The following DNAH3 variants were observed in gnomAD, a reference collection of about 807,000 sequenced individuals.
The protein encoded by DNAH3 is dynein axonemal heavy chain 3.
DNAH3 carries 332 observed loss-of-function variants against 432.5 expected under a neutral mutation model. The observed-to-expected ratio is 0.77, with a 90% CI of 0.70 to 0.84. The LOEUF (loss-of-function observed/expected upper bound fraction) is 0.84, where lower values mean the gene tolerates loss of function less well. Among genes scored for constraint, DNAH3 ranks in the 40% least tolerant of loss-of-function variants. The probability of loss-of-function intolerance (pLI) is 0.00; values close to 1 mark genes in which losing one functional copy is unlikely to be tolerated. For missense variants in DNAH3, 4,861 were observed against 5,114.0 expected (o/e 0.95, Z 1.51); for synonymous variants, 1,956 against 1,900.2 (o/e 1.03, Z -0.76).
At chr16:21,103,356 G>GT (rs1555558916) in intron 16 of DNAH3, among the ~76,000 whole-genome samples, 6 of 148,630 alleles carry the variant, frequency 4.0e-5, no homozygotes, top group Non-Finnish European at 7.4e-5. Context: ...TGTGTGTGTG[G>GT]GGGGGGGCAG....
intron 19 of DNAH3, among the ~76,000 whole-genome samples, 191 bp from the exon 20 acceptor site, chr16:21,081,918 A>C (rs1311896159): frequency 6.6e-6 from 1 of 152,078 alleles, no homozygotes; most frequent in Non-Finnish European, 1.5e-5. Context: ...AAATTAAAAA[A>C]ATTTTTTGAG....
At chr16:21,058,051 G>A (rs62034925) in intron 27 of DNAH3, 35 bp downstream of exon 27, 25,989 of 1,179,988 alleles carry the variant, frequency 0.022, 353 homozygotes, top group Non-Finnish European at 0.026. Context: ...TTGATGCTTG[G>A]ATCTCTTCTG....
intron 25 of DNAH3, among the ~76,000 whole-genome samples, 172 bp from the exon 26 acceptor site, chr16:21,060,528 T>C (rs1336072823): frequency 0.016 from 857 of 55,138 alleles, 1 homozygote; most frequent in African/African-American, 0.044. Context: ...TTTTTTTTCT[T>C]TTTTTTTTTT....
In DNAH3 at chr16:21,042,171, G is replaced by A. The variant is rs2089472953; in HGVS notation, c.4494C>T (p.Ile1498=). The change falls in exon 32 of 62, where the codon ATC becomes ATT. Residue 1498 remains isoleucine, a synonymous_variant. Coordinates refer to ENST00000261383, the Ensembl canonical transcript of DNAH3. ...GAATGATGGCTTGTTGGATGCTGAGGATCTGCTGAGCGACCACAGACAGCA... is the reference window on the plus strand; with the variant it reads ...GAATGATGGCTTGTTGGATGCTGAGAATCTGCTGAGCGACCACAGACAGCA... 1.9e-6 allele frequency: 3 copies of A among 1,610,804 alleles called. No homozygotes were observed. The East Asian group carries it at 6.7e-5, about 36-fold the overall frequency.
chr16:21,096,582 G>C (rs1183486320), intron 18 of DNAH3, among the ~76,000 whole-genome samples: 1 of 152,014 alleles, frequency 6.6e-6, no homozygotes, highest in Admixed American at 6.6e-5. Flanking sequence ...ACACTCAATT[G>C]CTATTTAATA....
At chr16:20,936,038 G>A (rs1458205035) in intron 60 of DNAH3, among the ~76,000 whole-genome samples, 1 of 152,036 alleles carries the variant, frequency 6.6e-6, no homozygotes, top group African/African-American at 2.4e-5. Flanking sequence ...ACAAACATCG[G>A]ATTTTTATAT....
intron 31 of DNAH3, among the ~76,000 whole-genome samples, chr16:21,047,888 T>C (rs1384682545): frequency 1.3e-5 from 2 of 151,342 alleles, no homozygotes; most frequent in Non-Finnish European, 3.0e-5. Context: ...TAGTTTTCCT[T>C]CTAACAGAGA....
chr16:21,010,033 A>G (rs2087516889), intron 41 of DNAH3, among the ~76,000 whole-genome samples: 2 of 152,158 alleles, frequency 1.3e-5, no homozygotes, highest in African/African-American at 4.8e-5. Flanking sequence ...GACCTTGGCT[A>G]AGGTTACCAT....
intron 51 of DNAH3, 31 bp downstream of exon 51, chr16:20,975,202 A>G (rs953804641): frequency 1.9e-6 from 3 of 1,609,276 alleles, no homozygotes; most frequent in Non-Finnish European, 2.5e-6. Flanking sequence ...CGGCAGCACC[A>G]GTTCCCTCCC....
In DNAH3 at chr16:21,005,266, CCTT is replaced by C. The variant is rs575373569; in HGVS notation, c.6023-2062_6023-2060del. 2.0e-4 allele frequency among the ~76,000 whole-genome samples: 30 copies of C among 149,074 alleles called. No homozygotes were observed. The South Asian group carries it at 5.0e-3, about 25-fold the overall frequency. On this transcript the variant is annotated intron_variant, in intron 41 of 61. Coordinates refer to ENST00000261383, the Ensembl canonical transcript of DNAH3. The stretch of plus-strand genomic sequence containing the variant: ...CCCTCCCTTCTTCCTTCCTTCCCTC[CCTT>C]CTTTCTTTCTTTCCTTCCTTGCTTC...
chr16:21,109,372 G>A (rs1420669948), intron 14 of DNAH3, among the ~76,000 whole-genome samples: 1 of 152,082 alleles, frequency 6.6e-6, no homozygotes, highest in Non-Finnish European at 1.5e-5. Flanking sequence ...TCTTAGGGCT[G>A]TTGTGAGTTC....
chr16:20,946,360 G>T (rs895803159), intron 57 of DNAH3, among the ~76,000 whole-genome samples: 1 of 152,054 alleles, frequency 6.6e-6, no homozygotes, highest in Non-Finnish European at 1.5e-5. Context: ...GAGTTTTCCC[G>T]TCTTTCTGGA....
At chr16:21,071,005 C>T (rs974994822) in intron 21 of DNAH3, among the ~76,000 whole-genome samples, 179 bp from the exon 22 acceptor site, 7 of 152,242 alleles carry the variant, frequency 4.6e-5, no homozygotes, top group African/African-American at 1.7e-4. Context: ...CTGCCTCAGC[C>T]TCCCAAGTAG....
At chr16:20,980,253 T>C (rs936283904) in intron 49 of DNAH3, among the ~76,000 whole-genome samples, 2 of 127,020 alleles carry the variant, frequency 1.6e-5, no homozygotes, top group Admixed American at 9.1e-5. Flanking sequence ...ATAATATACA[T>C]CATATATTAT....
intron 12 of DNAH3, among the ~76,000 whole-genome samples, chr16:21,116,503 T>C (rs1025455259): frequency 5.9e-5 from 9 of 152,132 alleles, no homozygotes; most frequent in African/African-American, 2.2e-4. Flanking sequence ...CGACCGACCA[T>C]AAGTTTCCTG....
chr16:21,027,043 G>T (rs770092715), exon 38 of DNAH3: 1 of 1,613,194 alleles, frequency 6.2e-7, no homozygotes, highest in East Asian at 2.2e-5. Flanking sequence ...ACAGTGGCTG[G>T]AGAGGCTTGC....
intron 11 of DNAH3, among the ~76,000 whole-genome samples, chr16:21,117,990 G>T (rs982146226): frequency 7.3e-5 from 11 of 151,336 alleles, no homozygotes; most frequent in East Asian, 1.9e-4. Flanking sequence ...GTTTTTTTTT[G>T]TTTTGTTTTG....
intron 11 of DNAH3, chr16:21,117,326 A>G (rs774083816): frequency 5.7e-6 from 9 of 1,581,202 alleles, no homozygotes; most frequent in Non-Finnish European, 7.8e-6. Flanking sequence ...CTCTGGGAAC[A>G]GGACAGATTC....
intron 25 of DNAH3, 45 bp downstream of exon 25, chr16:21,062,437 A>G (rs1282692789): frequency 6.5e-7 from 1 of 1,534,474 alleles, no homozygotes; most frequent in African/African-American, 1.4e-5. Flanking sequence ...TCTCTGATTT[A>G]CTCTGTTATG....
Sources: gnomAD v4.1 joint callset for allele counts (sites outside exome capture counted in the v4.1 genomes callset) on GRCh38, gnomAD v4.1.1 for gene constraint, MANE v1.5 for transcripts, NCBI Gene and HGNC (gene_info 2026-07-23, HGNC 2026-07-21) for gene names.